PGM1: variants seen among roughly 807,000 people sequenced by gnomAD.
PGM1 encodes phosphoglucomutase-1.
PGM1 carries 52 observed loss-of-function variants against 55.6 expected under a neutral mutation model. The observed-to-expected ratio is 0.94, with a 90% confidence interval of 0.75 to 1.18. The LOEUF is 1.18. Among genes scored for constraint, PGM1 ranks in the 50% most tolerant of loss-of-function variants. The pLI, the probability that PGM1 is intolerant of heterozygous loss-of-function variation, is 0.00. For synonymous variants in PGM1, 287 were observed against 271.7 expected (o/e 1.06, Z -0.55); for missense variants, 724 against 729.3 (o/e 0.99, Z 0.08).
intron 1 of PGM1, among the ~76,000 whole-genome samples, chr1:63,617,962 C>G (rs926483829): frequency 6.6e-6 from 1 of 151,632 alleles, no homozygotes; most frequent in African/African-American, 2.4e-5. Context: ...TTTTAAAATT[C>G]CTTGTCTAAT....
intron 1 of PGM1, among the ~76,000 whole-genome samples, chr1:63,598,559 T>A (rs1648146871): frequency 6.6e-6 from 1 of 152,138 alleles, no homozygotes; most frequent in South Asian, 2.1e-4. Flanking sequence ...AATTCCTAGG[T>A]AGTAGTAGTA....
At chr1:63,597,535 C>G (rs1328877610) in intron 1 of PGM1, among the ~76,000 whole-genome samples, 1 of 152,192 alleles carries the variant, frequency 6.6e-6, no homozygotes, top group African/African-American at 2.4e-5. Flanking sequence ...TTCCTCTAAT[C>G]CTCAACAGCC....
In PGM1 at chr1:63,659,618, G is replaced by GA. The variant is rs918183602; in HGVS notation, c.1635dup (p.Val546SerfsTer23). ...TGGCCCCCCTTATTTCCATTGCTCT[G>GA]AAAGTGTCCCAGCTGCAGGAGAGGA... is the stretch of plus-strand genomic sequence containing the variant. On this transcript the variant is annotated frameshift_variant, in exon 11 of 11. Coordinates refer to ENST00000371084, the MANE Select transcript of PGM1 (RefSeq NM_002633.3). LOFTEE classifies it high-confidence loss of function. 2 of 1,613,900 alleles carry GA rather than the reference G, an allele frequency of 1.2e-6. No homozygotes were observed. The highest frequency in any genetic ancestry group is 2.7e-5 in the African/African-American group (2 of 74,876).
Position 63,654,464 on chromosome 1 carries a change from C to T in PGM1, c.1597C>T (p.Gln533Ter). ...KDVAKINQDPQVMLAPLISIA... is the reference protein window; with the variant it reads ...KDVAKINQDP ...CGTTGCCAAGATTAACCAGGACCCC[C>T]AGGTAACGCCCAGCCCTGTGCCCTG... Residue 533 changes from glutamine to a stop codon, truncating the protein, a stop_gained and splice_region_variant, in exon 10 of 11, where the codon CAG becomes TAG. Coordinates refer to ENST00000371084, the MANE Select transcript of PGM1 (RefSeq NM_002633.3). LOFTEE classifies it high-confidence loss of function. The T allele has an allele frequency of 6.2e-7, 1 of 1,613,946 alleles. No individual in the cohort carries two copies. The highest frequency in any genetic ancestry group is 8.5e-7 in the Non-Finnish European group (1 of 1,179,868).
chr1:63,629,557 T>A lies in PGM1; in HGVS notation c.379T>A (p.Phe127Ile). Residue 127 changes from phenylalanine (F) to isoleucine (I), a missense_variant, in exon 2 of 11, where the codon TTT (phenylalanine) becomes ATT (isoleucine). By Grantham distance (21) the Phe-to-Ile change is conservative. Around this residue, in one of 3 missense-constraint regions of PGM1, gnomAD observed 379 missense variants for 357.5 expected, o/e 1.06. Transcript: ENST00000371084. Reference sequence around the variant, plus strand: ...CAACCCAGGGGGCCCCAATGGAGATTTTGGAATCAAATTCAATATTTCTAA... The same window carrying A: ...CAACCCAGGGGGCCCCAATGGAGATATTGGAATCAAATTCAATATTTCTAA... The part of the protein sequence containing the change: ...SHNPGGPNGD[F>I]GIKFNISNGG... 1.2e-6 allele frequency: 2 copies of A among 1,613,906 alleles called. No individual in the cohort carries two copies. Among genetic ancestry groups the A allele is most frequent in the Non-Finnish European group, 1.7e-6 (2 of 1,179,842 alleles).
chr1:63,652,380 AC>A (rs1649833295), intron 9 of PGM1, among the ~76,000 whole-genome samples: 5 of 152,190 alleles, frequency 3.3e-5, no homozygotes, highest in Admixed American at 2.6e-4. Context: ...CATGAGTGGC[AC>A]CCCACCTAAC....
intron 1 of PGM1, among the ~76,000 whole-genome samples, chr1:63,596,254 CTTTTTTTTTTT>C (rs531673796): frequency 1.5e-4 from 17 of 111,326 alleles, no homozygotes; most frequent in South Asian, 9.5e-4. Context: ...TTTTCTTCTT[CTTTTTTTTTTT>C]TTTTTTTTTT....
chr1:63,612,121 G>T (rs1442675510), intron 1 of PGM1, among the ~76,000 whole-genome samples: 2 of 151,950 alleles, frequency 1.3e-5, no homozygotes, highest in African/African-American at 4.8e-5. Context: ...GCCGGGCATG[G>T]TGGCGCGTGC....
chr1:63,599,383 C>G (rs1416040005), intron 1 of PGM1, among the ~76,000 whole-genome samples: 3 of 152,008 alleles, frequency 2.0e-5, no homozygotes, highest in Non-Finnish European at 4.4e-5. Flanking sequence ...CCAGGATGGT[C>G]TGGATCTCTT....
intron 1 of PGM1, among the ~76,000 whole-genome samples, chr1:63,621,469 A>T (rs1361813207): frequency 6.6e-6 from 1 of 152,166 alleles, no homozygotes; most frequent in Non-Finnish European, 1.5e-5. Context: ...ATATTTTATA[A>T]ATCTGGATCT....
intron 1 of PGM1, among the ~76,000 whole-genome samples, chr1:63,601,931 A>G (rs961077833): frequency 1.3e-5 from 2 of 152,202 alleles, no homozygotes; most frequent in Non-Finnish European, 2.9e-5. Flanking sequence ...TTAATCATGA[A>G]TCAGAAACAC....
chr1:63,655,944 T>C (rs1157129724), intron 10 of PGM1: 6 of 151,938 alleles, frequency 3.9e-5, no homozygotes, highest in Admixed American at 2.6e-4. Context: ...CCGGCCCAAG[T>C]TGGAAACAGA....
At chr1:63,619,598 T>C (rs953253462) in intron 1 of PGM1, among the ~76,000 whole-genome samples, 2 of 152,220 alleles carry the variant, frequency 1.3e-5, no homozygotes, top group Non-Finnish European at 2.9e-5. Flanking sequence ...CAAAAACATA[T>C]TGGTTTATAT....
rs1251766021 is a variant in PGM1 at position 63,593,548 on chromosome 1, C to T, written c.60C>T (p.Ser20=). 19 of 1,613,802 alleles carry T rather than the reference C, an allele frequency of 1.2e-5. No homozygotes were observed. The highest frequency in any genetic ancestry group is 9.9e-5 in the South Asian group (9 of 91,092). ...QAYQDQKPGT[S]GLRKRVKVFQ... is the part of the protein sequence containing the mutation. ...ACCAGGACCAGAAGCCGGGCACGAG[C>T]GGGCTGCGGAAGCGGGTGAAGGTGT... The change falls in exon 1 of 11, where the codon AGC becomes AGT. Residue 20 remains serine, a synonymous_variant. Transcript: ENST00000371084.
intron 9 of PGM1, among the ~76,000 whole-genome samples, chr1:63,652,551 T>C (rs1361519431): frequency 7.3e-6 from 1 of 136,802 alleles, no homozygotes; most frequent in Non-Finnish European, 1.6e-5. Flanking sequence ...ACCAGGGTTC[T>C]CTCACCTCTG....
intron 1 of PGM1, among the ~76,000 whole-genome samples, chr1:63,616,009 C>G (rs1457729276): frequency 6.6e-6 from 1 of 152,024 alleles, no homozygotes; most frequent in East Asian, 1.9e-4. Flanking sequence ...TTTCCATTTT[C>G]CACCACAAGA....
intron 1 of PGM1, among the ~76,000 whole-genome samples, chr1:63,600,990 C>T (rs1460387296): frequency 6.6e-6 from 1 of 151,656 alleles, no homozygotes; most frequent in Non-Finnish European, 1.5e-5. Context: ...TTTCATCTAC[C>T]CTCCTAGGTT....
At chr1:63,633,123 T>A (rs1307632921) in intron 4 of PGM1, among the ~76,000 whole-genome samples, 3 of 152,168 alleles carry the variant, frequency 2.0e-5, no homozygotes, top group African/African-American at 7.2e-5. Context: ...AGGCATAATT[T>A]GACTAGGTAT....
intron 7 of PGM1, among the ~76,000 whole-genome samples, chr1:63,639,124 C>A (rs1046740997): frequency 7.9e-5 from 12 of 151,938 alleles, no homozygotes; most frequent in Non-Finnish European, 1.5e-5. Flanking sequence ...TCAAAGAAAC[C>A]TTTATAAATG....
Sources: gnomAD v4.1 joint callset for allele counts (sites outside exome capture counted in the v4.1 genomes callset) on GRCh38, gnomAD v4.1.1 for gene constraint, gnomAD v4.1.1 regional missense constraint, MANE v1.5 for transcripts, NCBI Gene and HGNC (gene_info 2026-07-23, HGNC 2026-07-21) for gene names.